Variants in OPRM1 observed in about 807,000 individuals in gnomAD.
The protein encoded by OPRM1 is mu-type opioid receptor.
OPRM1 carries 27 observed loss-of-function variants against 31.8 expected under a neutral mutation model. The ratio of observed to expected loss-of-function variants is 0.85; its 90% CI spans 0.63 to 1.17. The LOEUF is 1.17. Ranked by LOEUF, OPRM1 falls within the 50% of genes most tolerant of loss-of-function variation. The pLI is 0.00. For synonymous variants in OPRM1, 196 were observed against 189.9 expected, an observed-to-expected ratio of 1.03 and a Z score of -0.26; for missense variants, 536 against 511.1, an observed-to-expected ratio of 1.05 and a Z score of -0.47.
chr6:154,061,201 A>G (rs1166301524), intron 1 of OPRM1, among the ~76,000 whole-genome samples: 1 of 152,160 alleles, frequency 6.6e-6, no homozygotes, highest in Non-Finnish European at 1.5e-5. Flanking sequence ...GGCCAGGAAC[A>G]TGTCCCCAGT....
chr6:154,188,371 A>G (rs1168363746), intron 3 of OPRM1, among the ~76,000 whole-genome samples: 1 of 152,238 alleles, frequency 6.6e-6, no homozygotes, highest in Non-Finnish European at 1.5e-5. Context: ...AAATGGAGAG[A>G]GGTAAAGAGA....
chr6:154,057,245 T>G (rs1783490584), intron 1 of OPRM1, among the ~76,000 whole-genome samples: 1 of 152,246 alleles, frequency 6.6e-6, no homozygotes, highest in African/African-American at 2.4e-5. Context: ...CTACGTTTGT[T>G]GAGCACTATG....
At chr6:154,223,160 G>C (rs1262999231) in intron 3 of OPRM1, 4 of 1,608,740 alleles carry the variant, frequency 2.5e-6, no homozygotes, top group Non-Finnish European at 2.6e-6. Context: ...GAAGATGAGA[G>C]ACAACTTACT....
At chr6:154,174,953 A>G (rs551885244) in intron 3 of OPRM1, among the ~76,000 whole-genome samples, 74 of 152,214 alleles carry the variant, frequency 4.9e-4, no homozygotes, top group Non-Finnish European at 9.4e-4. Flanking sequence ...GTAAAAGAAA[A>G]GAAATCACAA....
chr6:154,089,010 C>A (rs899103221), intron 1 of OPRM1, among the ~76,000 whole-genome samples: 3 of 152,172 alleles, frequency 2.0e-5, no homozygotes, highest in Admixed American at 2.0e-4. Context: ...TTCCAGGATG[C>A]CTTCCACATC....
chr6:154,223,242 G>T, intron 3 of OPRM1: 1 of 1,611,052 alleles, frequency 6.2e-7, no homozygotes. Flanking sequence ...AGCTTTCTCT[G>T]CCTGAAACAA....
chr6:154,089,464 T>C (rs908498085), intron 1 of OPRM1, among the ~76,000 whole-genome samples: 2 of 151,442 alleles, frequency 1.3e-5, no homozygotes, highest in African/African-American at 4.9e-5. Flanking sequence ...GGCATGCACC[T>C]GGGATCCCAG....
At chr6:154,244,974 C>A (rs1490247952) in intron 3 of OPRM1, among the ~76,000 whole-genome samples, 2 of 152,066 alleles carry the variant, frequency 1.3e-5, no homozygotes, top group Admixed American at 1.3e-4. Flanking sequence ...CTATCGCTTG[C>A]CACAACTACC....
intron 3 of OPRM1, among the ~76,000 whole-genome samples, chr6:154,229,557 C>T (rs1779561777): frequency 6.6e-6 from 1 of 151,772 alleles, no homozygotes; most frequent in African/African-American, 2.4e-5. Flanking sequence ...TGGGGTTCGC[C>T]GTGTTAGCCA....
chr6:154,157,822 C>T (rs41292896), intron 3 of OPRM1: 1 of 152,218 alleles, frequency 6.6e-6, no homozygotes, highest in Admixed American at 6.5e-5. Context: ...CTGCTAATCA[C>T]AGAAAGAATC....
chr6:154,161,034 C>A (rs183915838), intron 3 of OPRM1, among the ~76,000 whole-genome samples: 2 of 152,134 alleles, frequency 1.3e-5, no homozygotes, highest in Non-Finnish European at 2.9e-5. Context: ...TTTGACTTCC[C>A]AGTCTAATGT....
chr6:154,204,499 C>A (rs1297637265), intron 3 of OPRM1, among the ~76,000 whole-genome samples: 1 of 152,160 alleles, frequency 6.6e-6, no homozygotes, highest in Non-Finnish European at 1.5e-5. Context: ...CAGGAAGTAT[C>A]ATGTTTGTAT....
intron 1 of OPRM1, among the ~76,000 whole-genome samples, chr6:154,018,410 A>T (rs1778137374): frequency 6.6e-6 from 1 of 151,298 alleles, no homozygotes; most frequent in African/African-American, 2.4e-5. Flanking sequence ...ACAGAGTGAG[A>T]CTCTGTCTCA....
At chr6:154,106,185 T>C (rs1334815307) in intron 3 of OPRM1, among the ~76,000 whole-genome samples, 2 of 152,254 alleles carry the variant, frequency 1.3e-5, no homozygotes, top group Non-Finnish European at 2.9e-5. Context: ...CACATTCTTA[T>C]GACTTCTTAT....
intron 3 of OPRM1, among the ~76,000 whole-genome samples, chr6:154,216,117 T>G (rs942631570): frequency 6.6e-6 from 1 of 152,094 alleles, no homozygotes; most frequent in African/African-American, 2.4e-5. Context: ...ACAATTCCAA[T>G]CATAAATATC....
At chr6:154,011,641 A>C (rs1322356716) in intron 1 of OPRM1, among the ~76,000 whole-genome samples, 1 of 152,194 alleles carries the variant, frequency 6.6e-6, no homozygotes, top group African/African-American at 2.4e-5. Context: ...TATTCCGACC[A>C]CAACAACTTT....
At chr6:154,093,191 A>G in intron 3 of OPRM1, 1 of 1,261,052 alleles carries the variant, frequency 7.9e-7, no homozygotes, top group Non-Finnish European at 1.1e-6. Context: ...CTAAGGATAA[A>G]ATATTTTGCT....
At chr6:154,157,076 G>A (rs1254877057) in intron 3 of OPRM1, 1 of 152,302 alleles carries the variant, frequency 6.6e-6, no homozygotes, top group Non-Finnish European at 1.5e-5. Context: ...GCATTTCAGA[G>A]ATGACCCGGT....
In OPRM1 at chr6:154,127,142, G is replaced by A. The variant is rs938556439; in HGVS notation, c.*8421G>A. Among the ~76,000 whole-genome samples, 9 of 150,562 alleles carry A rather than the reference G, an allele frequency of 6.0e-5. No homozygotes were observed. The highest frequency in any genetic ancestry group is 1.0e-4 in the Non-Finnish European group (7 of 67,826). ...AAAAGTGCCACATGCCATGCTATGTGCCCAAAGTTTCCTTCACACAACACA... is the reference window on the plus strand; with the variant it reads ...AAAAGTGCCACATGCCATGCTATGTACCCAAAGTTTCCTTCACACAACACA... On this transcript the variant is annotated 3_prime_UTR_variant, in exon 4 of 4. Transcript: ENST00000330432.
Sources: gnomAD v4.1 joint callset for allele counts (sites outside exome capture counted in the v4.1 genomes callset) on GRCh38, gnomAD v4.1.1 for gene constraint, MANE v1.5 for transcripts, NCBI Gene and HGNC (gene_info 2026-07-23, HGNC 2026-07-21) for gene names.